Variants in IL1RAP observed in about 807,000 individuals in gnomAD.
IL1RAP encodes the protein interleukin-1 receptor accessory protein.
IL1RAP carries 35 observed loss-of-function variants against 60.7 expected under a neutral mutation model. That is an observed-to-expected ratio of 0.58 (90% CI 0.44 to 0.76). IL1RAP has a LOEUF of 0.76. IL1RAP is among the 30% of genes least tolerant of loss of function. IL1RAP has a pLI of 0.00. For synonymous variants in IL1RAP, 268 were observed against 250.9 expected (o/e 1.07, Z -0.64); for missense variants, 572 against 693.9 (o/e 0.82, Z 1.97).
intron 2 of IL1RAP, among the ~76,000 whole-genome samples, chr3:190,562,675 G>A (rs1380632612): frequency 1.4e-5 from 2 of 147,428 alleles, no homozygotes; most frequent in Admixed American, 6.8e-5. Flanking sequence ...TTGCTTGCCT[G>A]TATCAAAACA....
At chr3:190,528,211 G>T (rs1313971836) in intron 1 of IL1RAP, among the ~76,000 whole-genome samples, 1 of 152,136 alleles carries the variant, frequency 6.6e-6, no homozygotes. Context: ...AATTTGTGTA[G>T]TCTGATTTTC....
intron 3 of IL1RAP, among the ~76,000 whole-genome samples, chr3:190,596,856 A>T (rs1391383859): frequency 6.6e-6 from 1 of 152,186 alleles, no homozygotes; most frequent in Non-Finnish European, 1.5e-5. Flanking sequence ...TTGGTATTAC[A>T]TGACACTCCA....
At chr3:190,656,282 C>T, downstream of IL1RAP, 1 of 1,537,174 alleles carries the variant, frequency 6.5e-7, no homozygotes, top group Admixed American at 2.0e-5. Context: ...TTGAAAGAGC[C>T]CCCAGAACTT....
At chr3:190,578,606 G>T (rs1464915444) in intron 3 of IL1RAP, among the ~76,000 whole-genome samples, 1 of 152,140 alleles carries the variant, frequency 6.6e-6, no homozygotes, top group Non-Finnish European at 1.5e-5. Context: ...TTTGAAATTA[G>T]CAACTCCCCA....
intron 9 of IL1RAP, chr3:190,629,718 T>G: frequency 1.6e-6 from 2 of 1,247,316 alleles, no homozygotes; most frequent in Non-Finnish European, 2.0e-6. Context: ...AATGCCCAAA[T>G]GTAGCTAAAA....
intron 3 of IL1RAP, among the ~76,000 whole-genome samples, chr3:190,574,949 C>T (rs1727304586): frequency 6.6e-6 from 1 of 152,124 alleles, no homozygotes; most frequent in Admixed American, 6.5e-5. Context: ...ATTGAAATCC[C>T]AGCAGATTTA....
chr3:190,650,624 C>G lies in IL1RAP; in HGVS notation c.*1919C>G, dbSNP rs1340426410. On this transcript the variant is annotated 3_prime_UTR_variant, in exon 12 of 12. Coordinates refer to ENST00000447382, the MANE Select transcript of IL1RAP (RefSeq NM_002182.4). ...AGTACCCATAATAAATCATTTCCCT[C>G]TATAAGTGTTATTGATTATTTTAAA... The G allele has an allele frequency of 2.3e-6, 2 of 863,108 alleles. No individual in the cohort carries two copies. The highest frequency in any genetic ancestry group is 2.8e-6 in the Non-Finnish European group (2 of 718,834). The allele number at this position is 863,108 out of a possible 1,614,324, so 53.5% of individuals were successfully genotyped here.
At chr3:190,614,860 G>A (rs1235386980) in intron 5 of IL1RAP, among the ~76,000 whole-genome samples, 1 of 152,124 alleles carries the variant, frequency 6.6e-6, no homozygotes, top group African/African-American at 2.4e-5. Context: ...GAAGGGCAGG[G>A]TGATCTTTGA....
Position 190,627,652 on chromosome 3 carries a change from A to G in IL1RAP, c.902+203A>G, listed in dbSNP as rs569613662. ...TGCAAGGAATAGATGCTGCCTGATGACCAGTGGAGAGCTGAATTAGAATGT... is the reference window on the plus strand; with the variant it reads ...TGCAAGGAATAGATGCTGCCTGATGGCCAGTGGAGAGCTGAATTAGAATGT... On this transcript the variant is annotated intron_variant, in intron 8 of 11. Coordinates refer to ENST00000447382, the MANE Select transcript of IL1RAP (RefSeq NM_002182.4). Among the ~76,000 whole-genome samples, 3 of 152,328 alleles carry G rather than the reference A, an allele frequency of 2.0e-5. No individual in the cohort carries two copies. In the South Asian group the frequency reaches 6.2e-4, roughly 32 times the overall value.
intron 3 of IL1RAP, among the ~76,000 whole-genome samples, chr3:190,571,121 A>AT (rs202059423): frequency 5.3e-5 from 8 of 152,036 alleles, no homozygotes; most frequent in Admixed American, 3.3e-4. Context: ...ATCGATCATG[A>AT]TTTTTTTTAT....
chr3:190,565,148 T>G (rs1726268413), intron 3 of IL1RAP, among the ~76,000 whole-genome samples: 1 of 151,450 alleles, frequency 6.6e-6, no homozygotes, highest in South Asian at 2.1e-4. Context: ...AACATTTACT[T>G]GGTTCAACTG....
intron 5 of IL1RAP, among the ~76,000 whole-genome samples, chr3:190,610,302 G>A (rs1730709423): frequency 6.6e-6 from 1 of 151,912 alleles, no homozygotes; most frequent in Admixed American, 6.6e-5. Context: ...TCCTAAGTGA[G>A]CTAAATGACA....
chr3:190,610,112 A>T (rs750230169), intron 5 of IL1RAP, among the ~76,000 whole-genome samples: 3 of 152,186 alleles, frequency 2.0e-5, no homozygotes. Flanking sequence ...TACTGTGAGT[A>T]GAATCAAAAG....
chr3:190,643,470 G>A (rs1733801670), intron 9 of IL1RAP, among the ~76,000 whole-genome samples: 2 of 152,174 alleles, frequency 1.3e-5, no homozygotes, highest in Admixed American at 6.5e-5. Flanking sequence ...TGGTTTTTAA[G>A]TACTGGAGAA....
rs145276923 is a variant in IL1RAP at position 190,524,488 on chromosome 3, T to C, written c.-89+10269T>C. Among the ~76,000 whole-genome samples, 530 of 152,318 alleles carry C rather than the reference T, an allele frequency of 3.5e-3. 4 individuals are homozygous for C. The highest frequency in any genetic ancestry group is 0.012 in the African/African-American group (499 of 41,560). On this transcript the variant is annotated intron_variant, in intron 1 of 11. Transcript: ENST00000447382. ...TCCAGGGTTTTAAGTCTTTAATCCA[T>C]CCTGAGTTAATTTTTACGTATGATG...
intron 9 of IL1RAP, among the ~76,000 whole-genome samples, chr3:190,643,026 A>G (rs1733769277): frequency 6.6e-6 from 1 of 152,246 alleles, no homozygotes. Flanking sequence ...ATATGTGGAA[A>G]TGTTCATTGA....
At chr3:190,588,081 C>T (rs936391303) in intron 3 of IL1RAP, among the ~76,000 whole-genome samples, 4 of 152,178 alleles carry the variant, frequency 2.6e-5, no homozygotes, top group African/African-American at 4.8e-5. Context: ...TACCTCAAAG[C>T]ATACGGAGAT....
At chr3:190,610,555 G>A (rs1485886273) in intron 5 of IL1RAP, among the ~76,000 whole-genome samples, 6 of 152,002 alleles carry the variant, frequency 3.9e-5, no homozygotes, top group Admixed American at 1.3e-4. Flanking sequence ...TAGAATGGCT[G>A]TAAGAATATC....
chr3:190,609,955 A>G (rs140085520), intron 5 of IL1RAP, among the ~76,000 whole-genome samples: 1 of 152,180 alleles, frequency 6.6e-6, no homozygotes, highest in Non-Finnish European at 1.5e-5. Context: ...TGATGAGCCA[A>G]CGTGAGACCA....
Sources: allele counts gnomAD v4.1 joint callset (sites outside exome capture counted in the v4.1 genomes callset), GRCh38; gene constraint gnomAD v4.1.1; transcripts MANE v1.5; gene names NCBI Gene and HGNC (gene_info 2026-07-23, HGNC 2026-07-21).